Variants in PMPCB observed in about 807,000 individuals in gnomAD.
The protein encoded by PMPCB is peptidase, mitochondrial processing subunit beta.
PMPCB carries 46 observed loss-of-function variants against 61.5 expected under a neutral mutation model. The ratio of observed to expected loss-of-function variants is 0.75; its 90% CI spans 0.59 to 0.96. The LOEUF (loss-of-function observed/expected upper bound fraction) is 0.96. PMPCB is among the 40% of genes least tolerant of loss of function. The probability of loss-of-function intolerance (pLI) is 0.00; values close to 1 mark genes in which losing one functional copy is unlikely to be tolerated. For synonymous variants in PMPCB, 191 were observed against 201.6 expected (o/e 0.95, Z 0.44); for missense variants, 590 against 602.4 (o/e 0.98, Z 0.22).
intron 12 of PMPCB, chr7:103,324,525 T>A: frequency 2.0e-6 from 3 of 1,495,818 alleles, no homozygotes; most frequent in Non-Finnish European, 2.7e-6. Context: ...GATGAATTCA[T>A]ATCACCAAGT....
At chr7:103,344,023 C>CT in the PMPCB span, among the ~76,000 whole-genome samples, 1 of 152,248 alleles carries the variant, frequency 6.6e-6, no homozygotes, top group South Asian at 2.1e-4. Context: ...ACAAGTTTCA[C>CT]TTGTAATAAC....
chr7:103,301,682 AT>A (rs1817454787), intron 4 of PMPCB, among the ~76,000 whole-genome samples: 1 of 152,136 alleles, frequency 6.6e-6, no homozygotes, highest in African/African-American at 2.4e-5. Context: ...AACTTTGGGG[AT>A]TTACTTGGGG....
downstream of PMPCB, chr7:103,316,962 C>T (rs567858919): frequency 3.0e-5 from 49 of 1,613,922 alleles, no homozygotes; most frequent in East Asian, 4.5e-4. Flanking sequence ...TTGTCGCATA[C>T]GAGCCTCAGC....
the PMPCB span, among the ~76,000 whole-genome samples, chr7:103,340,115 G>A: frequency 1.3e-5 from 2 of 152,222 alleles, no homozygotes; most frequent in South Asian, 4.1e-4. Context: ...TGGGATTACA[G>A]GCATGAGCCA....
downstream of PMPCB, chr7:103,316,784 C>T (rs192494564): frequency 6.7e-7 from 1 of 1,490,446 alleles, no homozygotes; most frequent in Non-Finnish European, 9.3e-7. Flanking sequence ...TACATTATCT[C>T]CAGGCTCCAG....
the PMPCB span, among the ~76,000 whole-genome samples, chr7:103,334,948 C>A: frequency 6.6e-6 from 1 of 152,044 alleles, no homozygotes; most frequent in Non-Finnish European, 1.5e-5. Context: ...GTTCTCGTGC[C>A]GCAGCCGCCC....
At chr7:103,320,637 G>T (rs936864397) in intron 12 of PMPCB, among the ~76,000 whole-genome samples, 3 of 150,826 alleles carry the variant, frequency 2.0e-5, no homozygotes, top group Non-Finnish European at 4.4e-5. Context: ...CCAGCTACTC[G>T]GGAGGCTGAG....
At chr7:103,332,751 G>T (rs1819024926), downstream of PMPCB, among the ~76,000 whole-genome samples, 1 of 151,924 alleles carries the variant, frequency 6.6e-6, no homozygotes, top group African/African-American at 2.4e-5. Context: ...AGCCTTCTGA[G>T]CAGCTGGGAC....
chr7:103,323,742 G>A (rs1818550465), intron 12 of PMPCB: 1 of 1,082,960 alleles, frequency 9.2e-7, no homozygotes, highest in South Asian at 1.8e-5. Context: ...GAATGAATTT[G>A]TTTTAATGGA....
downstream of PMPCB, among the ~76,000 whole-genome samples, chr7:103,332,648 T>G (rs1343438274): frequency 2.0e-5 from 3 of 151,438 alleles, 1 homozygote; most frequent in Admixed American, 2.0e-4. Context: ...GGGGAGGGGA[T>G]GGGGACAGGG....
In PMPCB at chr7:103,322,467, T is replaced by C. The variant is rs922731295; in HGVS notation, c.*1432-6464T>C. The C allele has an allele frequency of 8.6e-6, 12 of 1,396,946 alleles. No homozygotes were observed. The Admixed American group carries it at 2.3e-4, about 27-fold the overall frequency. 86.5% of individuals were successfully genotyped at this position (1,396,946 alleles called of 1,614,324 possible). On this transcript the variant is annotated intron_variant and NMD_transcript_variant, in intron 12 of 12. Coordinates refer to the PMPCB transcript ENST00000444457. ...TGAAGATTAAAGTGAAGATTAAAGATTTCATAAACATTTAAAGTCCACCTT... is the reference window on the plus strand; with the variant it reads ...TGAAGATTAAAGTGAAGATTAAAGACTTCATAAACATTTAAAGTCCACCTT...
chr7:103,340,695 T>C, the PMPCB span, among the ~76,000 whole-genome samples: 2 of 152,240 alleles, frequency 1.3e-5, no homozygotes, highest in Non-Finnish European at 2.9e-5. Context: ...TTAACTATTA[T>C]ACAAGTACCT....
At chr7:103,324,651 T>G in intron 12 of PMPCB, 3 of 1,131,572 alleles carry the variant, frequency 2.7e-6, no homozygotes, top group Middle Eastern at 6.6e-4. Context: ...AAACAATAAT[T>G]TTTACTAATT....
At chr7:103,322,801 A>T in intron 12 of PMPCB, 1 of 1,597,476 alleles carries the variant, frequency 6.3e-7, no homozygotes, top group Non-Finnish European at 8.5e-7. Flanking sequence ...ACGACTATAA[A>T]ATAGAAAATA....
In PMPCB at chr7:103,312,857, T is replaced by C; in HGVS notation, c.*586T>C. On this transcript the variant is annotated 3_prime_UTR_variant, in exon 13 of 13. Coordinates refer to ENST00000249269, the MANE Select transcript of PMPCB (RefSeq NM_004279.3). The stretch of plus-strand genomic sequence containing the variant: ...ACTGGTTTTGAAATAAGCACTATAT[T>C]ATTAACCACTTAATAGACATAAAAT... The C allele has an allele frequency of 2.0e-6, 3 of 1,537,286 alleles. No individual in the cohort carries two copies. The highest frequency in any genetic ancestry group is 2.6e-6 in the Non-Finnish European group (3 of 1,148,874).
At chr7:103,320,762 CATATATAT>C (rs71519145) in intron 12 of PMPCB, 15 of 135,906 alleles carry the variant, frequency 1.1e-4, no homozygotes, top group African/African-American at 3.5e-4. Context: ...TATATATACA[CATATATAT>C]ATATATATAT....
downstream of PMPCB, chr7:103,315,715 G>T: frequency 7.9e-7 from 1 of 1,270,864 alleles, no homozygotes; most frequent in Non-Finnish European, 1.2e-6. Flanking sequence ...CGTCCAAGCA[G>T]CACAGATACA....
Position 103,313,760 on chromosome 7 carries a change from C to CT in PMPCB, c.*1490dup, listed in dbSNP as rs997326082. On this transcript the variant is annotated 3_prime_UTR_variant, in exon 13 of 13. Transcript: ENST00000249269. ...AAACCTTGTATATTTCAGAAAACAT[C>CT]TAAGATGTGTGTCAGAAACAAATAT... 3 of 984,936 alleles carry CT rather than the reference C, an allele frequency of 3.0e-6. No homozygotes were observed. In the African/African-American group the frequency reaches 5.2e-5, roughly 17 times the overall value. 61.0% of individuals were successfully genotyped at this position (984,936 alleles called of 1,614,324 possible).
chr7:103,319,319 C>G (rs541612444), downstream of PMPCB, among the ~76,000 whole-genome samples: 1 of 152,132 alleles, frequency 6.6e-6, no homozygotes, highest in Non-Finnish European at 1.5e-5. Flanking sequence ...CGCCTATAAT[C>G]CCAGTTACTC....
Sources: allele counts gnomAD v4.1 joint callset (sites outside exome capture counted in the v4.1 genomes callset), GRCh38; gene constraint gnomAD v4.1.1; transcripts MANE v1.5; gene names NCBI Gene and HGNC (gene_info 2026-07-23, HGNC 2026-07-21).